Variants in KHDRBS2 observed in about 807,000 individuals in gnomAD.
KHDRBS2 encodes KH domain-containing, RNA-binding, signal transduction-associated protein 2.
In KHDRBS2, 26 loss-of-function variants were observed where a neutral mutation model predicts 44.3. That is an observed-to-expected ratio of 0.59 (90% CI 0.43 to 0.81). The LOEUF (loss-of-function observed/expected upper bound fraction) is 0.81, where lower values mean the gene tolerates loss of function less well. KHDRBS2 is among the 40% of genes least tolerant of loss of function. The pLI, the probability that KHDRBS2 is intolerant of heterozygous loss-of-function variation, is 0.00. For missense variants in KHDRBS2, 476 were observed against 433.1 expected (o/e 1.10, Z -0.88); for synonymous variants, 194 against 151.1 (o/e 1.28, Z -2.08).
At chr6:62,044,279 C>A (rs980177883) in intron 3 of KHDRBS2, among the ~76,000 whole-genome samples, 2 of 151,788 alleles carry the variant, frequency 1.3e-5, no homozygotes, top group African/African-American at 2.4e-5. Flanking sequence ...AGTTCAGGAC[C>A]AGCCTGGACA....
intron 3 of KHDRBS2, among the ~76,000 whole-genome samples, chr6:62,016,657 T>A (rs1781267041): frequency 6.7e-6 from 1 of 150,246 alleles, no homozygotes; most frequent in Admixed American, 6.7e-5. Flanking sequence ...TAATCTTATT[T>A]TATATATAGT....
At chr6:62,023,342 G>A (rs1160808340) in intron 3 of KHDRBS2, among the ~76,000 whole-genome samples, 1 of 151,660 alleles carries the variant, frequency 6.6e-6, no homozygotes, top group Non-Finnish European at 1.5e-5. Flanking sequence ...GGCACTTACA[G>A]TAGGTTCCAT....
rs1774447443 is a variant in KHDRBS2 at position 61,983,705 on chromosome 6, A to G, written c.337-5493T>C. 2.6e-5 allele frequency among the ~76,000 whole-genome samples: 4 copies of G among 152,282 alleles called. No homozygotes were observed. The South Asian group carries it at 8.3e-4, about 32-fold the overall frequency. On this transcript the variant is annotated intron_variant, in intron 3 of 8. Coordinates refer to ENST00000281156, the MANE Select transcript of KHDRBS2 (RefSeq NM_152688.4). ...AAGATCCATGTGGTCAGTTATCATT[A>G]TTGCTTCACTTAGGTTATAATCAAG...
At chr6:61,968,468 C>A (rs1027701799) in intron 4 of KHDRBS2, among the ~76,000 whole-genome samples, 4 of 151,814 alleles carry the variant, frequency 2.6e-5, no homozygotes, top group African/African-American at 9.7e-5. Flanking sequence ...CAAGAGGTCC[C>A]CAAATAGAAC....
At chr6:62,194,480 C>CTTTTTTTTTTTTTTTTTTTTT (rs70996208) in intron 1 of KHDRBS2, among the ~76,000 whole-genome samples, 4 of 69,770 alleles carry the variant, frequency 5.7e-5, no homozygotes, top group African/African-American at 1.3e-4. Flanking sequence ...TCTTTTCTTC[C>CTTTTTTTTTTTTTTTTTTTTT]TTTTTTTTTT....
At chr6:62,242,795 C>T (rs2150168730) in intron 1 of KHDRBS2, among the ~76,000 whole-genome samples, 1 of 152,240 alleles carries the variant, frequency 6.6e-6, no homozygotes, top group East Asian at 1.9e-4. Context: ...TGATGCTTTT[C>T]TTGTTTCTTT....
At chr6:61,585,455 C>T in the KHDRBS2 span, among the ~76,000 whole-genome samples, 1 of 152,000 alleles carries the variant, frequency 6.6e-6, no homozygotes, top group East Asian at 1.9e-4. Flanking sequence ...AATTATAGTA[C>T]ATGCTAACTA....
chr6:62,027,865 C>G (rs1288349719), intron 3 of KHDRBS2, among the ~76,000 whole-genome samples: 2 of 152,044 alleles, frequency 1.3e-5, no homozygotes, highest in Admixed American at 6.6e-5. Flanking sequence ...TGAGATTTAC[C>G]CTTTTATAAC....
chr6:61,612,411 G>A, the KHDRBS2 span, among the ~76,000 whole-genome samples: 4 of 152,126 alleles, frequency 2.6e-5, no homozygotes, highest in Admixed American at 6.6e-5. Flanking sequence ...AGACCTTATG[G>A]TCATTTCCCA....
intron 2 of KHDRBS2, among the ~76,000 whole-genome samples, chr6:62,077,071 T>C (rs747731950): frequency 6.6e-6 from 1 of 151,960 alleles, no homozygotes; most frequent in Non-Finnish European, 1.5e-5. Flanking sequence ...AAATGAATAA[T>C]AAATTTACTC....
intron 6 of KHDRBS2, among the ~76,000 whole-genome samples, chr6:61,889,996 C>T (rs1403309132): frequency 2.0e-5 from 3 of 152,162 alleles, no homozygotes; most frequent in Admixed American, 1.3e-4. Flanking sequence ...AGAGACCTTC[C>T]CTAACTGCCC....
chr6:61,712,228 G>T (rs1770625638), intron 7 of KHDRBS2, among the ~76,000 whole-genome samples: 1 of 151,802 alleles, frequency 6.6e-6, no homozygotes, highest in African/African-American at 2.4e-5. Flanking sequence ...AACATACTCT[G>T]CCACTTTATT....
At chr6:61,647,831 T>A in the KHDRBS2 span, among the ~76,000 whole-genome samples, 2 of 152,286 alleles carry the variant, frequency 1.3e-5, no homozygotes, top group Admixed American at 6.5e-5. Flanking sequence ...TTAACTCTTA[T>A]TCTACCTTAA....
At chr6:61,858,231 A>G (rs574279984) in intron 6 of KHDRBS2, among the ~76,000 whole-genome samples, 28 of 150,350 alleles carry the variant, frequency 1.9e-4, no homozygotes, top group Non-Finnish European at 3.4e-4. Context: ...ATATTTTAAG[A>G]ATCTCTCATG....
intron 3 of KHDRBS2, among the ~76,000 whole-genome samples, chr6:62,034,551 T>C (rs1206505798): frequency 6.6e-6 from 1 of 151,862 alleles, no homozygotes; most frequent in Non-Finnish European, 1.5e-5. Flanking sequence ...AACCATATAA[T>C]CATTTCATTT....
chr6:62,093,061 T>C (rs1349240075), intron 2 of KHDRBS2, among the ~76,000 whole-genome samples: 1 of 151,994 alleles, frequency 6.6e-6, no homozygotes, highest in Non-Finnish European at 1.5e-5. Flanking sequence ...TAATACATAT[T>C]TGTATGTCTT....
intron 6 of KHDRBS2, among the ~76,000 whole-genome samples, chr6:61,747,196 ATGT>A (rs1358193810): frequency 2.0e-5 from 3 of 152,198 alleles, no homozygotes; most frequent in Non-Finnish European, 4.4e-5. Flanking sequence ...AAAGCTTAAA[ATGT>A]TGTTGGCATC....
At chr6:61,774,599 G>T (rs1193031541) in intron 6 of KHDRBS2, among the ~76,000 whole-genome samples, 1 of 152,126 alleles carries the variant, frequency 6.6e-6, no homozygotes, top group Non-Finnish European at 1.5e-5. Context: ...GGGACGAGAA[G>T]TTGAATCTCT....
the KHDRBS2 span, among the ~76,000 whole-genome samples, chr6:61,597,773 T>TATATATACATATAC: frequency 4.7e-5 from 2 of 42,330 alleles, no homozygotes; most frequent in Non-Finnish European, 9.5e-5. Context: ...TATATATATA[T>TATATATACATATAC]ACACCAAGAT....
Sources: allele counts gnomAD v4.1 joint callset (sites outside exome capture counted in the v4.1 genomes callset), GRCh38; gene constraint gnomAD v4.1.1; transcripts MANE v1.5; gene names NCBI Gene and HGNC (gene_info 2026-07-23, HGNC 2026-07-21).